Variants in HEXA observed in about 807,000 individuals in gnomAD.
The protein encoded by HEXA is hexosaminidase subunit alpha, also known as beta-hexosaminidase subunit alpha.
In HEXA, 54 loss-of-function variants were observed where a neutral mutation model predicts 73.3. The ratio of observed to expected loss-of-function variants is 0.74; its 90% CI spans 0.59 to 0.92. The LOEUF (loss-of-function observed/expected upper bound fraction) is 0.92. Among genes scored for constraint, HEXA ranks in the 40% least tolerant of loss-of-function variants. The probability of loss-of-function intolerance (pLI) is 0.00; values close to 1 mark genes in which losing one functional copy is unlikely to be tolerated. For synonymous variants in HEXA, 230 were observed against 246.9 expected (o/e 0.93, Z 0.64); for missense variants, 649 against 653.0 (o/e 0.99, Z 0.07).
chr15:72,348,952 C>T, intron 8 of HEXA, 127 bp downstream of exon 8: 3 of 806,226 alleles, frequency 3.7e-6, no homozygotes, highest in African/African-American at 1.7e-5. Flanking sequence ...AGGCCTAAGA[C>T]CTGAGCAATG....
At position 72,343,993 on chromosome 15, in the gene HEXA, G is replaced by A. The variant is rs1567294459; in HGVS notation, c.*84C>T. 7.5e-6 allele frequency: 9 copies of A among 1,196,994 alleles called. No homozygotes were observed. The highest frequency in any genetic ancestry group is 6.1e-5 in the South Asian group (5 of 81,966). The allele number at this position is 1,196,994 out of a possible 1,614,324, so 74.1% of individuals were successfully genotyped here. A position where few individuals can be genotyped will look rare whatever the true frequency, so the allele number is the denominator to read the frequency against. ...CAGGCAAGGGGCACGAAGGCAAGGGGCTCCGTCCCCTGGCCAGGATGCAGT... is the reference window on the plus strand; with the variant it reads ...CAGGCAAGGGGCACGAAGGCAAGGGACTCCGTCCCCTGGCCAGGATGCAGT... On this transcript the variant is annotated 3_prime_UTR_variant, in exon 14 of 14. Coordinates refer to ENST00000268097, the MANE Select transcript of HEXA (RefSeq NM_000520.6).
intron 1 of HEXA, chr15:72,370,206 A>G (rs1364251716): frequency 6.3e-6 from 1 of 159,342 alleles, no homozygotes; most frequent in Non-Finnish European, 1.4e-5. Context: ...CTGACTCCTG[A>G]ATGAATCATG....
In HEXA at chr15:72,375,865, G is replaced by C; in HGVS notation, c.108C>G (p.Arg36=). 1 of 1,614,282 alleles carries C rather than the reference G, an allele frequency of 6.2e-7. No individual in the cohort carries two copies. Among genetic ancestry groups the C allele is most frequent in the South Asian group, 1.1e-5 (1 of 91,092 alleles). The change falls in exon 1 of 14, where the codon CGC becomes CGG. Residue 36 remains arginine (R), a synonymous_variant. Coordinates refer to ENST00000268097, the MANE Select transcript of HEXA (RefSeq NM_000520.6). ...WPQNFQTSDQ[R]YVLYPNNFQF... ...GAAAGTTGTTCGGGTAAAGGACGTA[G>C]CGCTGGTCGGAGGTTTGGAAGTTCT...
chr15:72,362,441 C>T (rs2088863276), intron 1 of HEXA: 1 of 455,822 alleles, frequency 2.2e-6, no homozygotes, highest in Admixed American at 2.4e-5. Context: ...GTGCCTGACA[C>T]ACAGCAGTCA....
At chr15:72,345,949 G>A in intron 12 of HEXA, 1 of 544,568 alleles carries the variant, frequency 1.8e-6, no homozygotes, top group East Asian at 3.2e-5. Flanking sequence ...GCTTGTGCTG[G>A]GTCTTGAGCA....
At chr15:72,364,100 T>C (rs998995051) in intron 1 of HEXA, among the ~76,000 whole-genome samples, 9 of 151,936 alleles carry the variant, frequency 5.9e-5, no homozygotes, top group African/African-American at 1.7e-4. Flanking sequence ...CGAAACCTTG[T>C]CTCTACTAAA....
chr15:72,345,185 A>T (rs2088592961), intron 13 of HEXA: 1 of 514,462 alleles, frequency 1.9e-6, no homozygotes, highest in Non-Finnish European at 3.4e-6. Context: ...ACTTGAAATG[A>T]TCTTAGATTA....
At chr15:72,352,724 C>T (rs1295976374) in intron 5 of HEXA, among the ~76,000 whole-genome samples, 4 of 150,286 alleles carry the variant, frequency 2.7e-5, no homozygotes, top group East Asian at 2.0e-4. Context: ...AGTGCAGTGG[C>T]GTGATCTCCA....
rs113387077 is a variant in HEXA, at chr15:72,344,870, A to C, written c.1526+576T>G. Among the ~76,000 whole-genome samples the C allele has an allele frequency of 1.7e-4, 26 of 152,344 alleles. 1 individual carries two copies. Among genetic ancestry groups the C allele is most frequent in the African/African-American group, 6.3e-4 (26 of 41,580 alleles). The stretch of plus-strand genomic sequence containing the variant: ...CATCCCTGACAGAGGCAAAGGTGTC[A>C]TGACATCCTGTAAGTCAGCCTGGTT... On this transcript the variant is annotated intron_variant, in intron 13 of 13. Transcript: ENST00000268097.
chr15:72,344,211 G>A, intron 13 of HEXA, 71 bp from the exon 14 acceptor site: 1 of 1,029,832 alleles, frequency 9.7e-7, no homozygotes, highest in Non-Finnish European at 1.5e-6. Flanking sequence ...TTTCACACCA[G>A]TCAACAGTCT....
intron 7 of HEXA, chr15:72,350,100 T>C (rs1331975263): frequency 3.7e-6 from 1 of 269,904 alleles, no homozygotes; most frequent in East Asian, 9.2e-5. Context: ...GTAGCCCTTT[T>C]CAACTGTCAT....
rs1020704841 is a variant in HEXA, at chr15:72,342,136, G to C, written c.*1941C>G. Reference sequence around the variant, plus strand: ...ACAAGCTTCTGGGTAATAGAGGTAAGGGGGCTCCTGTGGTGGGTGCCAGTG... The same window carrying C: ...ACAAGCTTCTGGGTAATAGAGGTAACGGGGCTCCTGTGGTGGGTGCCAGTG... On this transcript the variant is annotated 3_prime_UTR_variant, in exon 14 of 14. Transcript: ENST00000268097. The C allele has an allele frequency of 9.2e-5, 14 of 152,336 alleles. No homozygotes were observed. The highest frequency in any genetic ancestry group is 3.4e-4 in the African/African-American group (14 of 41,454). The allele number at this position is 152,336 out of a possible 1,614,324, so 9.4% of individuals were successfully genotyped here.
chr15:72,356,413 A>G, intron 2 of HEXA, 112 bp downstream of exon 2: 1 of 1,168,614 alleles, frequency 8.6e-7, no homozygotes, highest in Non-Finnish European at 1.2e-6. Flanking sequence ...CTCGGTCCCC[A>G]GGGTCAAGGG....
chr15:72,363,443 G>A (rs1225705164), intron 1 of HEXA, among the ~76,000 whole-genome samples: 1 of 152,224 alleles, frequency 6.6e-6, no homozygotes, highest in African/African-American at 2.4e-5. Flanking sequence ...AAGCTACCAA[G>A]AGGAGAAAAG....
At chr15:72,367,754 T>C (rs1186020556) in intron 1 of HEXA, among the ~76,000 whole-genome samples, 1 of 152,226 alleles carries the variant, frequency 6.6e-6, no homozygotes, top group Non-Finnish European at 1.5e-5. Flanking sequence ...TTGAGTTCCT[T>C]GAATATGGCA....
In HEXA at chr15:72,350,639, G is replaced by A. The variant is rs2140324256; in HGVS notation, c.684C>T (p.Asn228=). 1.2e-6 allele frequency: 2 copies of A among 1,608,824 alleles called. No individual in the cohort carries two copies. Among genetic ancestry groups the A allele is most frequent in the Non-Finnish European group, 1.7e-6 (2 of 1,177,590 alleles). ...GTGCTGTGTAGATGTGGGTGACAGG[G>A]TTGTAGGACCCCTGAAAGGCACAAG... ...FPELMRKGSY[N]PVTHIYTAQD... is the part of the protein sequence containing the mutation. Residue 228 remains asparagine, a synonymous_variant, in exon 7 of 14, where the codon AAC becomes AAT. Coordinates refer to ENST00000268097, the MANE Select transcript of HEXA (RefSeq NM_000520.6).
At chr15:72,348,699 GA>G (rs1227914307) in intron 8 of HEXA, among the ~76,000 whole-genome samples, 2 of 152,156 alleles carry the variant, frequency 1.3e-5, no homozygotes, top group East Asian at 3.8e-4. Flanking sequence ...CTTTACAACT[GA>G]ATACTAATTA....
Position 72,350,881 on chromosome 15 carries a change from T to A in HEXA, c.673-231A>T, listed in dbSNP as rs1051784794. 5 of 622,092 alleles carry A rather than the reference T, an allele frequency of 8.0e-6. No homozygotes were observed. The African/African-American group carries it at 9.2e-5, about 11-fold the overall frequency. 38.5% of individuals were successfully genotyped at this position (622,092 alleles called of 1,614,324 possible). On this transcript the variant is annotated intron_variant, in intron 6 of 13. Transcript: ENST00000268097. Reference sequence around the variant, plus strand: ...AATCATGGTAGGTATTAATACTATGTCCATTTAACAGAATATAAATACATA... The same window carrying A: ...AATCATGGTAGGTATTAATACTATGACCATTTAACAGAATATAAATACATA...
chr15:72,347,406 A>G (rs2088630973), intron 10 of HEXA, among the ~76,000 whole-genome samples: 1 of 150,844 alleles, frequency 6.6e-6, no homozygotes, highest in Non-Finnish European at 1.5e-5. Flanking sequence ...TGATTTTTGT[A>G]TTTTTTGTAG....
Sources: allele counts gnomAD v4.1 joint callset (sites outside exome capture counted in the v4.1 genomes callset), GRCh38; gene constraint gnomAD v4.1.1; transcripts MANE v1.5; gene names NCBI Gene and HGNC (gene_info 2026-07-23, HGNC 2026-07-21).